Variants in ADH7 observed in about 807,000 individuals in gnomAD.
The protein encoded by ADH7 is all-trans-retinol dehydrogenase [NAD(+)] ADH7.
A neutral mutation model predicts 34.4 loss-of-function variants in ADH7; 41 were observed. That is an observed-to-expected ratio of 1.19 (90% CI 0.93 to 1.55). The LOEUF (loss-of-function observed/expected upper bound fraction) is 1.55, where lower values mean the gene tolerates loss of function less well. Among genes scored for constraint, ADH7 ranks in the 40% most tolerant of loss-of-function variants. The probability of loss-of-function intolerance (pLI) is 0.00; values close to 1 mark genes in which losing one functional copy is unlikely to be tolerated. For synonymous variants in ADH7, 180 were observed against 160.9 expected (o/e 1.12, Z -0.90); for missense variants, 540 against 461.2 (o/e 1.17, Z -1.56).
At chr4:99,432,474 A>T (rs1721958162) in intron 1 of ADH7, 3 of 152,286 alleles carry the variant, frequency 2.0e-5, no homozygotes, top group South Asian at 4.1e-4. Flanking sequence ...AATAAAAGTT[A>T]AAAAAAGTCA....
intron 8 of ADH7, among the ~76,000 whole-genome samples, chr4:99,414,735 A>C (rs28712290): frequency 0.044 from 6,657 of 152,222 alleles, 539 homozygotes; most frequent in African/African-American, 0.15. Context: ...TCATCTAAAA[A>C]TGGTAAAAAT....
Position 99,419,137 on chromosome 4 carries a change from A to G in ADH7, c.826-16T>C. The G allele has an allele frequency of 6.2e-7, 1 of 1,611,434 alleles. No homozygotes were observed. The highest frequency in any genetic ancestry group is 1.7e-4 in the Middle Eastern group (1 of 6,048). ...GGGCATCAATCTGAGTTTAAAACGG[A>G]GGAGATCGTTTGCTTCCTGTGTCTC... On this transcript the variant is annotated splice_polypyrimidine_tract_variant and intron_variant, in intron 6 of 8. Transcript: ENST00000437033.
chr4:99,415,340 G>A (rs778476553), intron 8 of ADH7, 138 bp downstream of exon 8: 12 of 932,454 alleles, frequency 1.3e-5, no homozygotes, highest in Admixed American at 4.3e-5. Context: ...AGTGGGTAAA[G>A]AGAAGTAATT....
At chr4:99,415,406 G>T in intron 8 of ADH7, 72 bp downstream of exon 8, 2 of 1,423,504 alleles carry the variant, frequency 1.4e-6, no homozygotes, top group Non-Finnish European at 2.0e-6. Context: ...AAGAAAACAG[G>T]CACATTTATA....
Position 99,418,971 on chromosome 4 carries a change from C to T in ADH7, c.961+15G>A, listed in dbSNP as rs1560560632. ...AAAGCCATCACTCCCCATCCAGAGG[C>T]TTTGCTTTCCTGACCTCCAAAGACA... On this transcript the variant is annotated intron_variant, in intron 7 of 8. Transcript: ENST00000437033. The T allele has an allele frequency of 6.2e-7, 1 of 1,612,870 alleles. No individual in the cohort carries two copies. Among genetic ancestry groups the T allele is most frequent in the Non-Finnish European group, 8.5e-7 (1 of 1,179,368 alleles).
chr4:99,423,018 C>A (rs1163085336), intron 5 of ADH7, among the ~76,000 whole-genome samples: 147 of 92,216 alleles, frequency 1.6e-3, no homozygotes, highest in Middle Eastern at 0.013. Flanking sequence ...CTAATGCTAT[C>A]CCTCCCCCCT....
chr4:99,426,357 A>G (rs1000866872), intron 5 of ADH7, among the ~76,000 whole-genome samples: 8 of 152,224 alleles, frequency 5.3e-5, no homozygotes, highest in South Asian at 4.1e-4. Context: ...AATAGATGCA[A>G]TAAAAAATGA....
chr4:99,422,088 A>C (rs1721678699), intron 5 of ADH7, among the ~76,000 whole-genome samples: 1 of 152,262 alleles, frequency 6.6e-6, no homozygotes. Flanking sequence ...TGTGGAAGAC[A>C]GTATGGCAAT....
intron 5 of ADH7, 51 bp downstream of exon 5, chr4:99,427,722 A>C: frequency 7.7e-7 from 1 of 1,297,818 alleles, no homozygotes; most frequent in Non-Finnish European, 1.0e-6. Context: ...CAAGCAAATC[A>C]TTTAAGAAAA....
rs1342913698 is a variant in ADH7 at position 99,415,490 on chromosome 4, T to C, written c.1088A>G (p.Asn363Ser). 3.1e-6 allele frequency: 5 copies of C among 1,612,510 alleles called. No individual in the cohort carries two copies. In the Admixed American group the frequency reaches 6.7e-5, roughly 22 times the overall value. Residue 363 changes from asparagine to serine, a missense_variant, in exon 8 of 9, where the codon AAT (asparagine) becomes AGT (serine). Coordinates refer to ENST00000437033, the MANE Select transcript of ADH7 (RefSeq NM_000673.7). The part of the protein sequence containing the change: ...KKISEGFELL[N>S]SGQSIRTVLT... ...AAGAAACAGTTACCTTTGTCCTGAA[T>C]TGAGCAGCTCAAATCCTTCACTGAT...
rs757392554 is a variant in ADH7, at chr4:99,428,218, T to C, written c.260-44A>G. The C allele has an allele frequency of 2.0e-6, 3 of 1,535,752 alleles. No homozygotes were observed. In the South Asian group the frequency reaches 3.4e-5, roughly 17 times the overall value. ...GATATAAGATGCTGTTCATTAATGT[T>C]AAAATATGAAATTAACAAATGTGAA... On this transcript the variant is annotated intron_variant, in intron 3 of 8. Transcript: ENST00000437033.
At position 99,435,234 on chromosome 4, in the gene ADH7, C is replaced by A. The variant is rs1294921826; in HGVS notation, c.-1G>T. ...CACTTACTTTTCCAGCAGTGCCCATCCTGTCTTTGTCTTGGATCTGTATTT... is the reference window on the plus strand; with the variant it reads ...CACTTACTTTTCCAGCAGTGCCCATACTGTCTTTGTCTTGGATCTGTATTT... On this transcript the variant is annotated 5_prime_UTR_variant, in exon 1 of 9. Transcript: ENST00000437033. 1 of 1,613,410 alleles carries A rather than the reference C, an allele frequency of 6.2e-7. No individual in the cohort carries two copies. Among genetic ancestry groups the A allele is most frequent in the Non-Finnish European group, 8.5e-7 (1 of 1,179,716 alleles).
intron 8 of ADH7, among the ~76,000 whole-genome samples, chr4:99,414,870 A>C (rs1355250011): frequency 6.6e-6 from 1 of 152,232 alleles, no homozygotes; most frequent in Non-Finnish European, 1.5e-5. Context: ...AAAAATAGCC[A>C]CAATGAAATC....
chr4:99,412,539 C>G lies in ADH7; in HGVS notation c.*609G>C, dbSNP rs1560558456. 1 of 151,994 alleles carries G rather than the reference C, an allele frequency of 6.6e-6. No homozygotes were observed. The highest frequency in any genetic ancestry group is 1.5e-5 in the Non-Finnish European group (1 of 67,954). The allele number at this position is 151,994 out of a possible 1,614,324, so 9.4% of individuals were successfully genotyped here. ...ATGCTGGCAAATAGCCTTGTGTACC[C>G]ATATGATATACTTTTTCAGTTTCAC... On this transcript the variant is annotated 3_prime_UTR_variant, in exon 9 of 9. Transcript: ENST00000437033.
At chr4:99,434,396 T>C (rs910839221) in intron 1 of ADH7, among the ~76,000 whole-genome samples, 1 of 152,148 alleles carries the variant, frequency 6.6e-6, no homozygotes, top group African/African-American at 2.4e-5. Context: ...TCTAACATCA[T>C]AGAGTCTCCT....
intron 5 of ADH7, 100 bp downstream of exon 5, chr4:99,427,673 T>G (rs1579578881): frequency 1.1e-6 from 1 of 938,516 alleles, no homozygotes. Flanking sequence ...AATACATTCT[T>G]TTAAATGTTT....
chr4:99,432,609 C>T (rs1307885799), intron 1 of ADH7: 1 of 152,098 alleles, frequency 6.6e-6, no homozygotes, highest in East Asian at 1.9e-4. Flanking sequence ...TTGATAAATA[C>T]AATGCTTACT....
rs1433209842 is a variant in ADH7 at position 99,427,821 on chromosome 4, A to G, written c.516T>C (p.Ile172=). Residue 172 remains isoleucine (I), a synonymous_variant, in exon 5 of 9, where the codon ATT becomes ATC. Coordinates refer to ENST00000437033, the MANE Select transcript of ADH7 (RefSeq NM_000673.7). ...DAAPPEKVCL[I]GCGFSTGYGA... ...CATATCCAGTGGAAAACCCACAGCCAATTAAACAGACTTTCTCAGGAGGAG... is the reference window on the plus strand; with the variant it reads ...CATATCCAGTGGAAAACCCACAGCCGATTAAACAGACTTTCTCAGGAGGAG... 22 of 1,608,084 alleles carry G rather than the reference A, an allele frequency of 1.4e-5. No homozygotes were observed. The highest frequency in any genetic ancestry group is 2.7e-5 in the African/African-American group (2 of 74,982).
At chr4:99,433,864 GA>G (rs1721991168) in intron 1 of ADH7, among the ~76,000 whole-genome samples, 1 of 152,004 alleles carries the variant, frequency 6.6e-6, no homozygotes, top group Non-Finnish European at 1.5e-5. Context: ...GAAGCCCTAG[GA>G]AACTAATACA....
Sources: gnomAD v4.1 joint callset for allele counts (sites outside exome capture counted in the v4.1 genomes callset) on GRCh38, gnomAD v4.1.1 for gene constraint, MANE v1.5 for transcripts, NCBI Gene and HGNC (gene_info 2026-07-23, HGNC 2026-07-21) for gene names.